The following RPS6KA2 variants were observed in gnomAD, a reference collection of about 807,000 sequenced individuals.
RPS6KA2 encodes the protein ribosomal protein S6 kinase alpha-2.
Under a neutral mutation model 91.8 loss-of-function variants are expected in RPS6KA2, and 42 were observed. That is an observed-to-expected ratio of 0.46 (90% CI 0.36 to 0.59). The LOEUF (loss-of-function observed/expected upper bound fraction) is 0.59, where lower values mean the gene tolerates loss of function less well. Among genes scored for constraint, RPS6KA2 ranks in the 20% least tolerant of loss-of-function variants. RPS6KA2 has a pLI of 0.00. For synonymous variants in RPS6KA2, 414 were observed against 393.6 expected, an observed-to-expected ratio of 1.05 and a Z score of -0.61; for missense variants, 798 against 978.5, an observed-to-expected ratio of 0.82 and a Z score of 2.46.
chr6:166,831,866 C>T (rs551197797), intron 2 of RPS6KA2, among the ~76,000 whole-genome samples: 5 of 148,918 alleles, frequency 3.4e-5, no homozygotes, highest in Non-Finnish European at 7.4e-5. Context: ...TACATATATA[C>T]ATAGATGATA....
chr6:166,546,328 T>C (rs929212802), intron 1 of RPS6KA2, among the ~76,000 whole-genome samples: 1 of 152,128 alleles, frequency 6.6e-6, no homozygotes. Flanking sequence ...GGCAGTGGGA[T>C]GAGTGCCCAA....
intron 1 of RPS6KA2, among the ~76,000 whole-genome samples, chr6:166,597,139 A>G (rs1412377307): frequency 6.6e-6 from 1 of 152,238 alleles, no homozygotes; most frequent in Non-Finnish European, 1.5e-5. Context: ...AGAAAGGAAA[A>G]GAAACAAGAT....
intron 1 of RPS6KA2, among the ~76,000 whole-genome samples, chr6:166,571,677 C>CT (rs5881701): frequency 5.2e-4 from 76 of 147,418 alleles, no homozygotes; most frequent in Middle Eastern, 3.5e-3. Context: ...AGGTGAGAGA[C>CT]TTTTTTTTTT....
intron 1 of RPS6KA2, among the ~76,000 whole-genome samples, chr6:166,550,777 C>A (rs554916934): frequency 6.6e-5 from 10 of 152,016 alleles, no homozygotes; most frequent in Admixed American, 1.3e-4. Flanking sequence ...CCAAGGCGGT[C>A]AGATCACAAG....
chr6:166,687,220 G>A (rs1789050248), intron 2 of RPS6KA2, among the ~76,000 whole-genome samples: 1 of 152,192 alleles, frequency 6.6e-6, no homozygotes, highest in African/African-American at 2.4e-5. Context: ...CGTGCCAGGA[G>A]CCATGGCAGG....
rs144190734 is a variant in RPS6KA2 at position 166,451,083 on chromosome 6, C to A, written c.1206+20G>T. The A allele has an allele frequency of 8.4e-4, 1,356 of 1,613,716 alleles. 10 individuals are homozygous for A. The African/African-American group carries it at 0.017, about 20-fold the overall frequency. On this transcript the variant is annotated intron_variant, in intron 13 of 20. Coordinates refer to ENST00000265678, the MANE Select transcript of RPS6KA2 (RefSeq NM_021135.6). ...CAAGTGCCCTCTTACCCCCAACCCA[C>A]TGCAGGCAAACACAGTTACCTGCAC...
chr6:166,519,779 C>G (rs1782782949), intron 3 of RPS6KA2, among the ~76,000 whole-genome samples: 1 of 152,148 alleles, frequency 6.6e-6, no homozygotes, highest in African/African-American at 2.4e-5. Flanking sequence ...TTTCAGGCAG[C>G]AATGCAGGCA....
At chr6:166,847,405 A>G (rs1476525980) in intron 2 of RPS6KA2, among the ~76,000 whole-genome samples, 1 of 152,204 alleles carries the variant, frequency 6.6e-6, no homozygotes, top group Non-Finnish European at 1.5e-5. Context: ...ACTAGAAAAA[A>G]CAATTCTAAA....
intron 2 of RPS6KA2, among the ~76,000 whole-genome samples, chr6:166,731,006 G>GCGGGCGGAT (rs1208905071): frequency 6.6e-6 from 1 of 152,354 alleles, no homozygotes; most frequent in East Asian, 1.9e-4. Flanking sequence ...ACTTTGGGAG[G>GCGGGCGGAT]CCGAGGCGGG....
chr6:166,683,727 C>A (rs1349453484), intron 2 of RPS6KA2, among the ~76,000 whole-genome samples: 1 of 152,252 alleles, frequency 6.6e-6, no homozygotes, highest in Non-Finnish European at 1.5e-5. Context: ...GGAAACACAT[C>A]TGGAGCTTTT....
upstream of RPS6KA2, among the ~76,000 whole-genome samples, chr6:166,630,033 A>G (rs994394558): frequency 6.6e-6 from 1 of 152,214 alleles, no homozygotes; most frequent in Non-Finnish European, 1.5e-5. Context: ...TGAGAAGCCA[A>G]TTCTAATTGG....
At chr6:166,646,880 G>C (rs1174726987) in intron 2 of RPS6KA2, among the ~76,000 whole-genome samples, 1 of 152,138 alleles carries the variant, frequency 6.6e-6, no homozygotes, top group Admixed American at 6.5e-5. Context: ...GGCCGTGGTG[G>C]GTGTGGGCCT....
intron 11 of RPS6KA2, among the ~76,000 whole-genome samples, chr6:166,466,602 A>G (rs1456293529): frequency 6.6e-6 from 1 of 152,130 alleles, no homozygotes; most frequent in African/African-American, 2.4e-5. Flanking sequence ...CTGGTTCTCC[A>G]TTCTCCCAGG....
intron 1 of RPS6KA2, among the ~76,000 whole-genome samples, chr6:166,562,709 C>T (rs1298190270): frequency 6.6e-6 from 1 of 152,184 alleles, no homozygotes; most frequent in African/African-American, 2.4e-5. Context: ...TCCAACATTC[C>T]AAGAAACAGC....
In RPS6KA2 at chr6:166,459,678, G is replaced by T; in HGVS notation, c.973-127C>A. The T allele has an allele frequency of 1.6e-6, 1 of 612,336 alleles. No individual in the cohort carries two copies. The highest frequency in any genetic ancestry group is 2.9e-6 in the Non-Finnish European group (1 of 342,642). 37.9% of individuals were successfully genotyped at this position (612,336 alleles called of 1,614,324 possible). A position where few individuals can be genotyped will look rare whatever the true frequency, so the allele number is the denominator to read the frequency against. On this transcript the variant is annotated intron_variant, in intron 11 of 20. Transcript: ENST00000265678. The surrounding 1 kb of genome is among the most constrained non-coding windows in gnomAD (Gnocchi z 4.9). ...TTATCACAGACTGCATTGGCCTTGT[G>T]GATTACAAGGGATTTCTAAATACTC...
At position 166,428,016 on chromosome 6, in the gene RPS6KA2, A is replaced by C. The variant is rs910728426; in HGVS notation, c.1581+2437T>G. The stretch of plus-strand genomic sequence containing the variant: ...GCCAAGTCAATCCTAAGCCAAAAGA[A>C]CAAAGCTTGAGGCATCACACTACCT... On this transcript the variant is annotated intron_variant, in intron 16 of 20. Transcript: ENST00000265678. 2.6e-5 allele frequency among the ~76,000 whole-genome samples: 4 copies of C among 151,858 alleles called. No individual in the cohort carries two copies. The East Asian group carries it at 7.7e-4, about 29-fold the overall frequency.
chr6:166,412,529 G>A lies in RPS6KA2; in HGVS notation c.*233C>T. On this transcript the variant is annotated 3_prime_UTR_variant, in exon 21 of 21. Transcript: ENST00000265678. The surrounding 1 kb of genome is among the most constrained non-coding windows in gnomAD (Gnocchi z 4.3). ...CACGCGAGGTGAAGGGGCGCATTTG[G>A]TTTCGCTTGGGAGAAAAGAGAGCGG... is the stretch of plus-strand genomic sequence containing the variant. 1 of 406,684 alleles carries A rather than the reference G, an allele frequency of 2.5e-6. No individual in the cohort carries two copies. The allele number at this position is 406,684 out of a possible 1,614,324, so 25.2% of individuals were successfully genotyped here.
intron 11 of RPS6KA2, chr6:166,463,399 T>G (rs1481344839): frequency 6.6e-6 from 1 of 152,176 alleles, no homozygotes; most frequent in African/African-American, 2.4e-5. Flanking sequence ...GGACAATTCA[T>G]GCCGAAACCG....
In RPS6KA2 at chr6:166,451,236, G is replaced by A. The variant is rs749814290; in HGVS notation, c.1076-3C>T. 2.5e-6 allele frequency: 4 copies of A among 1,613,788 alleles called. No individual in the cohort carries two copies. The highest frequency in any genetic ancestry group is 2.5e-6 in the Non-Finnish European group (3 of 1,179,902). On this transcript the variant is annotated splice_region_variant and splice_polypyrimidine_tract_variant and intron_variant, in intron 12 of 20. Transcript: ENST00000265678. ...ACTCGGGGGGACGCCAGGAGAGTCT[G>A]TAGGTGACAGGGGCAGAGTTCAGAT... is the stretch of plus-strand genomic sequence containing the variant.
Sources: allele counts gnomAD v4.1 joint callset (sites outside exome capture counted in the v4.1 genomes callset), GRCh38; gene constraint gnomAD v4.1.1; non-coding constraint Gnocchi (gnomAD v3.1); transcripts MANE v1.5; gene names NCBI Gene and HGNC (gene_info 2026-07-23, HGNC 2026-07-21).